The following NCOA6 variants were observed in gnomAD, a reference collection of about 807,000 sequenced individuals.
The protein encoded by NCOA6 is nuclear receptor coactivator 6, also known as NRC RAP250.
Under a neutral mutation model 171.4 loss-of-function variants are expected in NCOA6, and 49 were observed. The ratio of observed to expected loss-of-function variants is 0.29; its 90% CI spans 0.23 to 0.36. The LOEUF is 0.36. Ranked by LOEUF, NCOA6 falls within the 10% of genes least tolerant of loss-of-function variation. NCOA6 has a pLI of 1.00. For synonymous variants in NCOA6, 910 were observed against 927.5 expected (o/e 0.98, Z 0.34); for missense variants, 2,248 against 2,554.5 (o/e 0.88, Z 2.59).
intron 2 of NCOA6, among the ~76,000 whole-genome samples, chr20:34,790,966 A>G (rs1372330565): frequency 2.6e-5 from 4 of 152,214 alleles, no homozygotes; most frequent in Non-Finnish European, 5.9e-5. Flanking sequence ...TGTATGAAAT[A>G]TCTAGAATAA....
intron 1 of NCOA6, among the ~76,000 whole-genome samples, chr20:34,816,052 C>G (rs1395768172): frequency 6.6e-6 from 1 of 152,198 alleles, no homozygotes; most frequent in Non-Finnish European, 1.5e-5. Context: ...GGCTTCACTT[C>G]TCCACAACTC....
intron 7 of NCOA6, among the ~76,000 whole-genome samples, chr20:34,755,390 C>T (rs945866556): frequency 4.6e-5 from 7 of 152,266 alleles, no homozygotes; most frequent in Admixed American, 2.6e-4. Context: ...CCCATTATTG[C>T]GCTTGTCTCT....
Position 34,743,271 on chromosome 20 carries a change from T to G in NCOA6, c.2985A>C (p.Ala995=), listed in dbSNP as rs75656457. 2.6e-3 allele frequency: 4,168 copies of G among 1,613,026 alleles called. 105 individuals are homozygous for G. The African/African-American group carries it at 0.05, about 19-fold the overall frequency. Residue 995 remains alanine (A), a synonymous_variant, in exon 11 of 15, where the codon GCA becomes GCC. Transcript: ENST00000359003. The part of the protein sequence containing the change: ...QMPPQLMQHV[A]PPPQPPQQQP... ...GCTGCTGTGGTGGCTGTGGTGGGGG[T>G]GCCACATGCTGCATGAGTTGAGGAG...
chr20:34,792,553 A>T lies in NCOA6; in HGVS notation c.-153T>A, dbSNP rs2077921637. On this transcript the variant is annotated 5_prime_UTR_variant, in exon 2 of 15. Transcript: ENST00000359003. ...ATTTCAAGGTAGCAGCCCAGCAGCC[A>T]AATCAAAATTCTAAAAACAAACAAC... 1 of 398,604 alleles carries T rather than the reference A, an allele frequency of 2.5e-6. No homozygotes were observed. Among genetic ancestry groups the T allele is most frequent in the Non-Finnish European group, 4.4e-6 (1 of 225,978 alleles). 24.7% of individuals were successfully genotyped at this position (398,604 alleles called of 1,614,324 possible). A position where few individuals can be genotyped will look rare whatever the true frequency, so the allele number is the denominator to read the frequency against.
intron 14 of NCOA6, among the ~76,000 whole-genome samples, chr20:34,718,901 T>C (rs1988941952): frequency 6.6e-6 from 1 of 152,242 alleles, no homozygotes; most frequent in Admixed American, 6.5e-5. Context: ...ACGCTGTTCC[T>C]AAAGGCTGCC....
At chr20:34,785,225 G>T (rs2077637641) in intron 2 of NCOA6, among the ~76,000 whole-genome samples, 1 of 151,972 alleles carries the variant, frequency 6.6e-6, no homozygotes, top group South Asian at 2.1e-4. Context: ...TTCCAAATTT[G>T]AGCAGAGCAC....
chr20:34,801,683 G>T (rs1424652113), intron 1 of NCOA6, among the ~76,000 whole-genome samples: 6 of 152,038 alleles, frequency 3.9e-5, no homozygotes, highest in Non-Finnish European at 8.8e-5. Context: ...AACAAGATCA[G>T]GTGAAACCCT....
intron 2 of NCOA6, among the ~76,000 whole-genome samples, chr20:34,791,889 C>A (rs1329500141): frequency 1.3e-5 from 2 of 152,158 alleles, no homozygotes; most frequent in Non-Finnish European, 2.9e-5. Flanking sequence ...GCTTATGAAG[C>A]ACTTCTGAAG....
chr20:34,723,772 C>T (rs954906556), intron 14 of NCOA6, among the ~76,000 whole-genome samples: 7 of 152,190 alleles, frequency 4.6e-5, no homozygotes, highest in African/African-American at 1.7e-4. Flanking sequence ...CAGAGCGGTT[C>T]TAGTTTGAGC....
Position 34,715,224 on chromosome 20 carries a change from C to A in NCOA6, c.*98G>T. On this transcript the variant is annotated 3_prime_UTR_variant, in exon 15 of 15. Coordinates refer to ENST00000359003, the MANE Select transcript of NCOA6 (RefSeq NM_014071.5). Reference sequence around the variant, plus strand: ...GAAAAGGGCCACATTATTAAAATTACTAACTGTACAGAAATTGATTTAAAA... The same window carrying A: ...GAAAAGGGCCACATTATTAAAATTAATAACTGTACAGAAATTGATTTAAAA... The A allele has an allele frequency of 1.3e-6, 2 of 1,509,890 alleles. No individual in the cohort carries two copies. Among genetic ancestry groups the A allele is most frequent in the Non-Finnish European group, 1.8e-6 (2 of 1,090,402 alleles). The allele number at this position is 1,509,890 out of a possible 1,614,324, so 93.5% of individuals were successfully genotyped here.
Position 34,743,110 on chromosome 20 carries a change from G to A in NCOA6, c.3146C>T (p.Pro1049Leu). The A allele has an allele frequency of 1.2e-6, 2 of 1,613,516 alleles. No individual in the cohort carries two copies. Among genetic ancestry groups the A allele is most frequent in the Non-Finnish European group, 1.7e-6 (2 of 1,179,550 alleles). ...MQQDPKSVRL[P>L]VSQNVHPPRG... ...TGGAGGATGGACATTTTGAGAGACT[G>A]GAAGCCTAACTGATTTGGGATCCTG... is the stretch of plus-strand genomic sequence containing the variant. The change falls in exon 11 of 15, where the codon CCA (proline) becomes CTA (leucine). Residue 1049 changes from proline to leucine, a missense_variant. Transcript: ENST00000359003.
intron 1 of NCOA6, among the ~76,000 whole-genome samples, chr20:34,804,422 G>A (rs1028405720): frequency 1.3e-5 from 2 of 151,174 alleles, no homozygotes; most frequent in African/African-American, 4.9e-5. Flanking sequence ...TGGGAGGATT[G>A]CTTGGACCTG....
At chr20:34,739,133 C>T (rs549759855) in intron 11 of NCOA6, among the ~76,000 whole-genome samples, 2 of 152,054 alleles carry the variant, frequency 1.3e-5, no homozygotes, top group Non-Finnish European at 2.9e-5. Flanking sequence ...ATCATTAGCC[C>T]ATCTTAACAG....
In NCOA6 at chr20:34,746,833, A is replaced by T; in HGVS notation, c.2888T>A (p.Leu963Gln). The change falls in exon 10 of 15, where the codon CTG (leucine) becomes CAG (glutamine). Residue 963 changes from leucine to glutamine, a missense_variant. Around this residue, in one of 7 missense-constraint regions of NCOA6, gnomAD observed 352 missense variants for 419.1 expected, o/e 0.84. Transcript: ENST00000359003. ...TGGTGGCCGGTTTGAAAATTCTGGC[A>T]GTTTAGGGCCTGAGTTATCCAAGTT... is the stretch of plus-strand genomic sequence containing the variant. ...GINLDNSGPK[L>Q]PEFSNRPPGY... The T allele has an allele frequency of 6.2e-7, 1 of 1,606,386 alleles. No individual in the cohort carries two copies. Among genetic ancestry groups the T allele is most frequent in the South Asian group, 1.1e-5 (1 of 90,518 alleles).
intron 5 of NCOA6, among the ~76,000 whole-genome samples, chr20:34,762,290 T>C (rs1309065098): frequency 6.6e-6 from 1 of 152,210 alleles, no homozygotes; most frequent in Admixed American, 6.5e-5. Context: ...TTAATCTTTC[T>C]ATCTTTCTAA....
intron 1 of NCOA6, among the ~76,000 whole-genome samples, chr20:34,803,806 T>G (rs768501973): frequency 1.3e-4 from 20 of 148,468 alleles, no homozygotes; most frequent in Non-Finnish European, 2.5e-4. Context: ...GAGACCAACC[T>G]GGCCAACATC....
In NCOA6 at chr20:34,747,079, A is replaced by G. The variant is rs6060029; in HGVS notation, c.2793-151T>C. 135 of 821,740 alleles carry G rather than the reference A, an allele frequency of 1.6e-4. 1 individual carries two copies. In the African/African-American group the frequency reaches 2.3e-3, roughly 14 times the overall value. The allele number at this position is 821,740 out of a possible 1,614,324, so 50.9% of individuals were successfully genotyped here. A position where few individuals can be genotyped will look rare whatever the true frequency, so the allele number is the denominator to read the frequency against. On this transcript the variant is annotated intron_variant, in intron 9 of 14. Coordinates refer to ENST00000359003, the MANE Select transcript of NCOA6 (RefSeq NM_014071.5). ...TCTCTCTAGTCTAGATAAAATATTAAATATTGGCATAAAAATAATCTGGCA... is the reference window on the plus strand; with the variant it reads ...TCTCTCTAGTCTAGATAAAATATTAGATATTGGCATAAAAATAATCTGGCA...
At position 34,776,370 on chromosome 20, in the gene NCOA6, G is replaced by A. The variant is rs760736491; in HGVS notation, c.314C>T (p.Ala105Val). 28 of 1,614,032 alleles carry A rather than the reference G, an allele frequency of 1.7e-5. No homozygotes were observed. The highest frequency in any genetic ancestry group is 1.1e-4 in the East Asian group (5 of 44,902). The change falls in exon 4 of 15, where the codon GCG becomes GTG. Residue 105 changes from alanine (A) to valine (V), a missense_variant. Ala to Val is a moderately conservative substitution (Grantham distance 64). This residue lies in a region of NCOA6 where 987 missense variants were observed against 1,104.7 expected (regional missense o/e 0.89). Coordinates refer to ENST00000359003, the MANE Select transcript of NCOA6 (RefSeq NM_014071.5). Reference sequence around the variant, plus strand: ...CTGAGCAAGGATCCGTAGCCGCTCCGCTGCTTCCCGGGGGATGTTGAATGT... The same window carrying A: ...CTGAGCAAGGATCCGTAGCCGCTCCACTGCTTCCCGGGGGATGTTGAATGT... ...RVTFNIPREA[A>V]ERLRILAQSN...
rs754040820 is a variant in NCOA6, at chr20:34,741,930, T to C, written c.4326A>G (p.Lys1442=). 1.9e-6 allele frequency: 3 copies of C among 1,614,104 alleles called. No homozygotes were observed. The highest frequency in any genetic ancestry group is 2.5e-6 in the Non-Finnish European group (3 of 1,180,046). The stretch of plus-strand genomic sequence containing the variant: ...TTTTAACTTCTTGGGCAGGGACTGC[T>C]TTTAGTTCAATGTTTACCTGTTCCT... ...SRKEQVNIEL[K]AVPAQEVKMV... Residue 1442 remains lysine (K), a synonymous_variant, in exon 11 of 15, where the codon AAA becomes AAG. Coordinates refer to ENST00000359003, the MANE Select transcript of NCOA6 (RefSeq NM_014071.5).
Sources: allele counts gnomAD v4.1 joint callset (sites outside exome capture counted in the v4.1 genomes callset), GRCh38; gene constraint gnomAD v4.1.1; regional missense constraint gnomAD v4.1.1; transcripts MANE v1.5; gene names NCBI Gene and HGNC (gene_info 2026-07-23, HGNC 2026-07-21).